MYO1B: variants seen among roughly 807,000 people sequenced by gnomAD.
The protein encoded by MYO1B is myosin IB, also known as unconventional myosin-Ib.
MYO1B carries 72 observed loss-of-function variants against 159.7 expected under a neutral mutation model. The observed-to-expected ratio is 0.45, with a 90% CI of 0.37 to 0.55. The LOEUF is 0.55. MYO1B is among the 20% of genes least tolerant of loss of function. The pLI is 0.00. For missense variants in MYO1B, 1,062 were observed against 1,364.8 expected (o/e 0.78, Z 3.50); for synonymous variants, 468 against 473.8 (o/e 0.99, Z 0.16).
intron 1 of MYO1B, among the ~76,000 whole-genome samples, chr2:191,249,408 A>G (rs1685979730): frequency 6.6e-6 from 1 of 152,206 alleles, no homozygotes; most frequent in Non-Finnish European, 1.5e-5. Context: ...GTATCCTCTG[A>G]GATCATCAAA....
chr2:191,411,106 T>G lies in MYO1B; in HGVS notation c.2807T>G (p.Leu936Arg), dbSNP rs770628445. 2.0e-5 allele frequency: 33 copies of G among 1,612,408 alleles called. No homozygotes were observed. The highest frequency in any genetic ancestry group is 2.8e-5 in the Non-Finnish European group (33 of 1,179,394). Residue 936 changes from leucine to arginine, a missense_variant, in exon 27 of 31, where the codon CTT becomes CGT. Leu to Arg is a moderately radical substitution (Grantham distance 102). This residue lies in a region of MYO1B where 609 missense variants were observed against 744.4 expected (regional missense o/e 0.82). Transcript: ENST00000392318. ...YRDQFTDQQK[L>R]IYEEKLEASE... ...GACCAATTCACAGACCAGCAGAAAC[T>G]TATTTATGAAGAGAAACTAGAAGCC...
chr2:191,249,803 G>C (rs561357628), intron 1 of MYO1B, among the ~76,000 whole-genome samples: 17 of 152,186 alleles, frequency 1.1e-4, no homozygotes, highest in Non-Finnish European at 2.5e-4. Context: ...ATAGGTGAGA[G>C]TAACTTTAGT....
chr2:191,424,783 T>C lies in MYO1B; in HGVS notation c.*823T>C, dbSNP rs1698132477. On this transcript the variant is annotated 3_prime_UTR_variant, in exon 31 of 31. Coordinates refer to ENST00000392318, the MANE Select transcript of MYO1B (RefSeq NM_001130158.3). ...ATACCATATATGATCCTCGAAATGA[T>C]AATATCTCCAGAATATTGTTTTCAC... 1 of 152,608 alleles carries C rather than the reference T, an allele frequency of 6.6e-6. No individual in the cohort carries two copies. Among genetic ancestry groups the C allele is most frequent in the Non-Finnish European group, 1.5e-5 (1 of 68,010 alleles). The allele number at this position is 152,608 out of a possible 1,614,324, so 9.5% of individuals were successfully genotyped here. A position where few individuals can be genotyped will look rare whatever the true frequency, so the allele number is the denominator to read the frequency against.
intron 1 of MYO1B, among the ~76,000 whole-genome samples, chr2:191,251,005 G>A (rs990465258): frequency 1.3e-5 from 2 of 152,144 alleles, no homozygotes; most frequent in Non-Finnish European, 2.9e-5. Context: ...ATTCCTGTAG[G>A]TGTCCTTGGC....
Position 191,363,771 on chromosome 2 carries a change from C to G in MYO1B, c.809C>G (p.Ser270Cys). The G allele has an allele frequency of 6.2e-7, 1 of 1,613,538 alleles. No individual in the cohort carries two copies. The highest frequency in any genetic ancestry group is 8.5e-7 in the Non-Finnish European group (1 of 1,179,898). ...GGCTTTATGGATCATGAAGCTGAGTCTGTCTTGGCGGTGGTGGCAGCAGTG... is the reference window on the plus strand; with the variant it reads ...GGCTTTATGGATCATGAAGCTGAGTGTGTCTTGGCGGTGGTGGCAGCAGTG... ...IVGFMDHEAE[S>C]VLAVVAAVLK... The change falls in exon 10 of 31, where the codon TCT (serine) becomes TGT (cysteine). Residue 270 changes from serine to cysteine, a missense_variant. Coordinates refer to ENST00000392318, the MANE Select transcript of MYO1B (RefSeq NM_001130158.3).
intron 3 of MYO1B, among the ~76,000 whole-genome samples, chr2:191,322,495 A>T (rs1297194629): frequency 1.3e-5 from 2 of 152,060 alleles, no homozygotes; most frequent in South Asian, 4.1e-4. Context: ...TATTTTGTTG[A>T]GTAACTCTTA....
intron 23 of MYO1B, 115 bp from the exon 24 acceptor site, chr2:191,402,517 A>G (rs1047827560): frequency 6.9e-6 from 6 of 868,262 alleles, no homozygotes; most frequent in African/African-American, 6.7e-5. Flanking sequence ...TTCCTCTGTC[A>G]TTCTGAAATC....
intron 13 of MYO1B, among the ~76,000 whole-genome samples, chr2:191,378,265 C>G (rs1244518290): frequency 6.6e-6 from 1 of 151,760 alleles, no homozygotes; most frequent in Non-Finnish European, 1.5e-5. Context: ...ACCTTGGATA[C>G]ATGTCATGCA....
At chr2:191,351,397 C>G (rs1268158407) in intron 7 of MYO1B, among the ~76,000 whole-genome samples, 1 of 151,874 alleles carries the variant, frequency 6.6e-6, no homozygotes, top group Non-Finnish European at 1.5e-5. Context: ...CCTGACTAGC[C>G]CTAGCAGAAG....
chr2:191,341,501 T>C lies in MYO1B; in HGVS notation c.387T>C (p.Cys129=), dbSNP rs538116520. Residue 129 remains cysteine (C), a synonymous_variant, in exon 5 of 31, where the codon TGT becomes TGC. Coordinates refer to ENST00000392318, the MANE Select transcript of MYO1B (RefSeq NM_001130158.3). ...KLVMSYVAAV[C]GKGAEVNQVK... is the part of the protein sequence containing the mutation. ...TCATGTCCTATGTGGCAGCTGTTTGTGGAAAAGGAGCAGAAGTTAATCAAG... is the reference window on the plus strand; with the variant it reads ...TCATGTCCTATGTGGCAGCTGTTTGCGGAAAAGGAGCAGAAGTTAATCAAG... 6.2e-7 allele frequency: 1 copy of C among 1,613,978 alleles called. No homozygotes were observed. Among genetic ancestry groups the C allele is most frequent in the East Asian group, 2.2e-5 (1 of 44,870 alleles).
intron 6 of MYO1B, among the ~76,000 whole-genome samples, chr2:191,347,240 G>A (rs1488133388): frequency 6.6e-6 from 1 of 152,184 alleles, no homozygotes; most frequent in Non-Finnish European, 1.5e-5. Flanking sequence ...AAGGGAGATA[G>A]TTTTGATAGT....
At chr2:191,381,611 T>C (rs767801930) in intron 14 of MYO1B, 45 bp downstream of exon 14, 8 of 1,358,356 alleles carry the variant, frequency 5.9e-6, no homozygotes, top group South Asian at 3.6e-5. Flanking sequence ...CCTTTTTTAC[T>C]CGTAATATAA....
Position 191,264,293 on chromosome 2 carries a change from T to C in MYO1B, c.-9-12594T>C, listed in dbSNP as rs531000614. On this transcript the variant is annotated intron_variant, in intron 1 of 30. Coordinates refer to ENST00000392318, the MANE Select transcript of MYO1B (RefSeq NM_001130158.3). ...CCTAATGTAAATGTATAAATATCTC[T>C]GCCTTTGTTTACATAGTTTATTGGA... Among the ~76,000 whole-genome samples, 4 of 152,338 alleles carry C rather than the reference T, an allele frequency of 2.6e-5. No individual in the cohort carries two copies. The South Asian group carries it at 8.3e-4, about 32-fold the overall frequency.
intron 3 of MYO1B, among the ~76,000 whole-genome samples, chr2:191,300,553 A>G (rs1019126702): frequency 4.6e-5 from 7 of 150,930 alleles, no homozygotes; most frequent in Non-Finnish European, 8.8e-5. Flanking sequence ...CATATTGGCC[A>G]GGCTGGTCTC....
intron 3 of MYO1B, among the ~76,000 whole-genome samples, chr2:191,328,014 G>A (rs1247510060): frequency 1.3e-5 from 2 of 152,150 alleles, no homozygotes; most frequent in African/African-American, 2.4e-5. Context: ...AATAATTGTA[G>A]GAGAACATGA....
At chr2:191,397,781 GC>G (rs1206252137) in intron 21 of MYO1B, among the ~76,000 whole-genome samples, 1 of 144,604 alleles carries the variant, frequency 6.9e-6, no homozygotes, top group African/African-American at 2.6e-5. Context: ...GGGCAGAAGC[GC>G]CCCTCACCTC....
chr2:191,278,812 C>G (rs183147303), intron 2 of MYO1B, among the ~76,000 whole-genome samples: 1 of 152,276 alleles, frequency 6.6e-6, no homozygotes, highest in Admixed American at 6.5e-5. Flanking sequence ...AAAGTATGCT[C>G]TGATATCAAA....
intron 3 of MYO1B, among the ~76,000 whole-genome samples, chr2:191,302,498 T>C (rs1689398055): frequency 6.6e-6 from 1 of 152,244 alleles, no homozygotes; most frequent in African/African-American, 2.4e-5. Context: ...TTTTTTCATT[T>C]TTTAAAAAAA....
rs149704728 is a variant in MYO1B, at chr2:191,357,577, T to C, written c.563-3054T>C. ...TGGAATATCTCTTCTGTACTAAATA[T>C]CCAGTGTCTAATAATAACTCTTCTT... On this transcript the variant is annotated intron_variant, in intron 7 of 30. Transcript: ENST00000392318. Among the ~76,000 whole-genome samples, 47 of 152,348 alleles carry C rather than the reference T, an allele frequency of 3.1e-4. No homozygotes were observed. In the East Asian group the frequency reaches 8.5e-3, roughly 27 times the overall value.
Sources: allele counts gnomAD v4.1 joint callset (sites outside exome capture counted in the v4.1 genomes callset), GRCh38; gene constraint gnomAD v4.1.1; regional missense constraint gnomAD v4.1.1; transcripts MANE v1.5; gene names NCBI Gene and HGNC (gene_info 2026-07-23, HGNC 2026-07-21).